The following ADGRG7 variants were observed in gnomAD, a reference collection of about 807,000 sequenced individuals.
ADGRG7 encodes G-protein coupled receptor 128.
In ADGRG7, 82 loss-of-function variants were observed where a neutral mutation model predicts 88.6. The ratio of observed to expected loss-of-function variants is 0.93; its 90% CI spans 0.77 to 1.11. ADGRG7 has a LOEUF of 1.11. Ranked by LOEUF, ADGRG7 falls within the 50% of genes most tolerant of loss-of-function variation. The pLI is 0.00. For synonymous variants in ADGRG7, 381 were observed against 345.2 expected (o/e 1.10, Z -1.15); for missense variants, 945 against 953.4 (o/e 0.99, Z 0.12).
chr3:100,626,721 G>T (rs1707385549), intron 1 of ADGRG7, among the ~76,000 whole-genome samples: 1 of 152,100 alleles, frequency 6.6e-6, no homozygotes, highest in South Asian at 2.1e-4. Flanking sequence ...GGAGTCAGAG[G>T]TTGCAGTGAG....
chr3:100,692,143 A>C (rs973187517), intron 15 of ADGRG7, among the ~76,000 whole-genome samples: 1 of 152,250 alleles, frequency 6.6e-6, no homozygotes, highest in Non-Finnish European at 1.5e-5. Context: ...ATCAGACTAT[A>C]TAATGCAGTG....
At chr3:100,623,427 T>C (rs1707340270) in intron 1 of ADGRG7, among the ~76,000 whole-genome samples, 1 of 152,226 alleles carries the variant, frequency 6.6e-6, no homozygotes, top group Non-Finnish European at 1.5e-5. Flanking sequence ...ATTGATGTAT[T>C]TGTCTACCTT....
At chr3:100,691,139 C>T (rs768570233) in intron 15 of ADGRG7, among the ~76,000 whole-genome samples, 4 of 152,242 alleles carry the variant, frequency 2.6e-5, no homozygotes, top group Admixed American at 6.5e-5. Context: ...GAGCAAGCCT[C>T]CATGGGCGTA....
At chr3:100,631,888 A>G (rs1274642946) in intron 3 of ADGRG7, among the ~76,000 whole-genome samples, 1 of 152,126 alleles carries the variant, frequency 6.6e-6, no homozygotes, top group Non-Finnish European at 1.5e-5. Flanking sequence ...GCTATAAAGA[A>G]ATATCTGAAA....
intron 4 of ADGRG7, among the ~76,000 whole-genome samples, chr3:100,634,600 A>G (rs1707505807): frequency 6.6e-6 from 1 of 151,830 alleles, no homozygotes; most frequent in South Asian, 2.1e-4. Flanking sequence ...ACAGATGGGC[A>G]GGGTAGGGGT....
At chr3:100,660,282 C>T (rs1023209805) in intron 14 of ADGRG7, among the ~76,000 whole-genome samples, 1 of 152,072 alleles carries the variant, frequency 6.6e-6, no homozygotes, top group Admixed American at 6.6e-5. Flanking sequence ...TACACAATAG[C>T]ACTAAAATTT....
intron 15 of ADGRG7, among the ~76,000 whole-genome samples, chr3:100,679,757 T>G (rs1210500421): frequency 3.9e-5 from 6 of 152,208 alleles, no homozygotes; most frequent in African/African-American, 1.4e-4. Context: ...ACACATCTTC[T>G]TTCCTTTTCT....
chr3:100,620,181 C>T (rs1232770468), intron 1 of ADGRG7, among the ~76,000 whole-genome samples: 1 of 152,184 alleles, frequency 6.6e-6, no homozygotes, highest in East Asian at 1.9e-4. Flanking sequence ...CAAACCGAAT[C>T]CAGCAGCACA....
chr3:100,689,218 T>C (rs1431514768), intron 15 of ADGRG7, among the ~76,000 whole-genome samples: 1 of 152,194 alleles, frequency 6.6e-6, no homozygotes, highest in Non-Finnish European at 1.5e-5. Flanking sequence ...TTTTTTGTTT[T>C]CCATTTGCTT....
chr3:100,643,659 A>G (rs941426462), intron 8 of ADGRG7, 26 bp downstream of exon 8: 3 of 1,458,280 alleles, frequency 2.1e-6, no homozygotes, highest in Middle Eastern at 3.5e-4. Context: ...TGTGACATTT[A>G]AAAAAATGGA....
At chr3:100,612,532 C>A (rs1446916456) in intron 1 of ADGRG7, among the ~76,000 whole-genome samples, 2 of 152,154 alleles carry the variant, frequency 1.3e-5, no homozygotes, top group African/African-American at 4.8e-5. Flanking sequence ...TATTATATTT[C>A]TTCCCATTGG....
chr3:100,690,863 T>C (rs9838001), intron 15 of ADGRG7, among the ~76,000 whole-genome samples: 50,111 of 151,910 alleles, frequency 0.33, 8,742 homozygotes, highest in East Asian at 0.54. Context: ...TCTCAAGCTG[T>C]GTGCTGGGAG....
chr3:100,620,136 G>A (rs191775160), intron 1 of ADGRG7, among the ~76,000 whole-genome samples: 2,307 of 152,268 alleles, frequency 0.015, 51 homozygotes, highest in African/African-American at 0.052. Context: ...TATCCCTGAT[G>A]AACATCGATG....
intron 14 of ADGRG7, among the ~76,000 whole-genome samples, chr3:100,660,167 A>G (rs2094943339): frequency 6.6e-6 from 1 of 152,362 alleles, no homozygotes; most frequent in Admixed American, 6.5e-5. Context: ...ATATTTGGAT[A>G]ATTAAAGAAA....
At chr3:100,655,763 G>A in intron 12 of ADGRG7, 136 bp from the exon 13 acceptor site, 3 of 572,046 alleles carry the variant, frequency 5.2e-6, no homozygotes, top group Non-Finnish European at 6.4e-6. Context: ...ACATCTGTAG[G>A]ATCACTTTGT....
At position 100,673,604 on chromosome 3, in the gene ADGRG7, G is replaced by A. The variant is rs537498065; in HGVS notation, c.2136+4499G>A. Among the ~76,000 whole-genome samples, 4 of 152,068 alleles carry A rather than the reference G, an allele frequency of 2.6e-5. 1 individual carries two copies. Among genetic ancestry groups the A allele is most frequent in the African/African-American group, 7.2e-5 (3 of 41,476 alleles). ...AGCCTCCCAAATAGCTGGGATTACA[G>A]GCGTGAACCACCATGCCTGGCTAAT... On this transcript the variant is annotated intron_variant, in intron 15 of 15. Transcript: ENST00000273352.
intron 14 of ADGRG7, among the ~76,000 whole-genome samples, chr3:100,662,026 C>T (rs1480689291): frequency 1.3e-5 from 2 of 152,144 alleles, no homozygotes; most frequent in Non-Finnish European, 1.5e-5. Flanking sequence ...CCTCTACTTC[C>T]ACCAAATATC....
At chr3:100,654,807 T>C (rs750011217) in intron 11 of ADGRG7, 28 bp from the exon 12 acceptor site, 3 of 1,369,938 alleles carry the variant, frequency 2.2e-6, no homozygotes, top group Non-Finnish European at 3.0e-6. Flanking sequence ...TTCATTTAAT[T>C]TTTTTATATT....
intron 15 of ADGRG7, among the ~76,000 whole-genome samples, chr3:100,672,970 T>C (rs2094960551): frequency 1.3e-5 from 2 of 152,206 alleles, no homozygotes; most frequent in Non-Finnish European, 2.9e-5. Context: ...AGTATTTTAT[T>C]GAGGATTTTC....
Sources: allele counts gnomAD v4.1 joint callset (sites outside exome capture counted in the v4.1 genomes callset), GRCh38; gene constraint gnomAD v4.1.1; transcripts MANE v1.5; gene names NCBI Gene and HGNC (gene_info 2026-07-23, HGNC 2026-07-21).